Variants in UTS2B observed in about 807,000 individuals in gnomAD.
The protein encoded by UTS2B is urotensin-2B.
A neutral mutation model predicts 19.2 loss-of-function variants in UTS2B; 21 were observed. The observed-to-expected ratio is 1.09, with a 90% CI of 0.78 to 1.58. The LOEUF (loss-of-function observed/expected upper bound fraction) is 1.58. Among genes scored for constraint, UTS2B ranks in the 40% most tolerant of loss-of-function variants. The pLI is 0.00. For synonymous variants in UTS2B, 57 were observed against 50.2 expected, an observed-to-expected ratio of 1.14 and a Z score of -0.58; for missense variants, 138 against 130.3, an observed-to-expected ratio of 1.06 and a Z score of -0.29.
At chr3:191,303,896 T>C (rs145624808) in intron 4 of UTS2B, among the ~76,000 whole-genome samples, 350 of 152,144 alleles carry the variant, frequency 2.3e-3, no homozygotes, top group African/African-American at 8.1e-3. Context: ...GGCACACACT[T>C]AGTTAGGTCC....
chr3:191,278,454 T>C (rs897756995), intron 5 of UTS2B, among the ~76,000 whole-genome samples: 15 of 152,238 alleles, frequency 9.9e-5, no homozygotes, highest in African/African-American at 3.6e-4. Flanking sequence ...AGGTGAATTT[T>C]ACTTTCTTCT....
chr3:191,332,946 C>T (rs973155991), upstream of UTS2B, among the ~76,000 whole-genome samples: 2 of 152,198 alleles, frequency 1.3e-5, no homozygotes, highest in African/African-American at 4.8e-5. Context: ...TAGAGCTTTA[C>T]CACTTTTAGC....
intron 3 of UTS2B, among the ~76,000 whole-genome samples, chr3:191,315,315 C>T (rs2108607407): frequency 6.6e-6 from 1 of 152,310 alleles, no homozygotes; most frequent in African/African-American, 2.4e-5. Flanking sequence ...GCCCGGCCTA[C>T]TCTACAAAAT....
rs138464698 is a variant in UTS2B at position 191,316,263 on chromosome 3, G to A, written c.-409C>T. On this transcript the variant is annotated 5_prime_UTR_variant, in exon 3 of 9. Transcript: ENST00000340524. ...TCTCACAGACTTAAAGAATGAAGCC[G>A]CAGATCCTCGCAGTGAGTGTTACAG... The A allele has an allele frequency of 2.1e-3, 316 of 152,804 alleles. No individual in the cohort carries two copies. Among genetic ancestry groups the A allele is most frequent in the Non-Finnish European group, 4.0e-3 (276 of 68,444 alleles). 9.5% of individuals were successfully genotyped at this position (152,804 alleles called of 1,614,324 possible).
chr3:191,277,865 T>C (rs910494275), intron 6 of UTS2B, among the ~76,000 whole-genome samples: 7 of 151,742 alleles, frequency 4.6e-5, no homozygotes, highest in African/African-American at 1.7e-4. Flanking sequence ...GACCCTCAAA[T>C]TGACCAAAAT....
intron 1 of UTS2B, chr3:191,329,587 G>C (rs1717873849): frequency 2.1e-6 from 3 of 1,407,748 alleles, no homozygotes; most frequent in East Asian, 2.7e-5. Context: ...CGCCGCGTCC[G>C]GCGCTGCTGC....
chr3:191,286,039 C>T (rs1237052931), intron 4 of UTS2B, among the ~76,000 whole-genome samples: 2 of 152,002 alleles, frequency 1.3e-5, no homozygotes, highest in African/African-American at 2.4e-5. Context: ...CAAAGAAGGT[C>T]ACTATGTAAT....
Position 191,293,739 on chromosome 3 carries a change from T to C in UTS2B, c.-125+10753A>G, listed in dbSNP as rs1030578110. On this transcript the variant is annotated intron_variant, in intron 4 of 8. Transcript: ENST00000340524. ...ATTTTCAAACATAAACATGCTATAATGTGGAAGTTTAGTCTATTTTCAAGC... is the reference window on the plus strand; with the variant it reads ...ATTTTCAAACATAAACATGCTATAACGTGGAAGTTTAGTCTATTTTCAAGC... 3.7e-4 allele frequency among the ~76,000 whole-genome samples: 56 copies of C among 152,012 alleles called. 1 individual carries two copies. Among genetic ancestry groups the C allele is most frequent in the African/African-American group, 1.3e-3 (55 of 41,306 alleles).
intron 4 of UTS2B, among the ~76,000 whole-genome samples, chr3:191,299,933 A>C (rs2108593031): frequency 6.6e-6 from 1 of 152,368 alleles, no homozygotes; most frequent in South Asian, 2.1e-4. Flanking sequence ...ACATGGAGTC[A>C]AAGGAGATTA....
intron 2 of UTS2B, among the ~76,000 whole-genome samples, chr3:191,326,515 T>C (rs993018783): frequency 2.6e-5 from 4 of 152,234 alleles, no homozygotes; most frequent in Non-Finnish European, 4.4e-5. Flanking sequence ...AAAAATCAAT[T>C]GATGCCTCCA....
At chr3:191,329,826 G>C (rs1169410969) in intron 1 of UTS2B, 1 of 1,230,286 alleles carries the variant, frequency 8.1e-7, no homozygotes, top group Non-Finnish European at 1.2e-6. Context: ...GCCCTCGCCC[G>C]GTGCCCGCCC....
At chr3:191,304,813 T>C (rs773640983) in intron 3 of UTS2B, among the ~76,000 whole-genome samples, 46 of 152,280 alleles carry the variant, frequency 3.0e-4, no homozygotes, top group African/African-American at 9.1e-4. Flanking sequence ...TCCTGATCCT[T>C]TCCCTCCTCC....
Position 191,282,173 on chromosome 3 carries a change from G to A in UTS2B, c.17C>T (p.Ser6Leu). 3 of 1,611,620 alleles carry A rather than the reference G, an allele frequency of 1.9e-6. No individual in the cohort carries two copies. The highest frequency in any genetic ancestry group is 2.5e-6 in the Non-Finnish European group (3 of 1,179,020). ...TAGGAGTCCAAAGCAAACAGTGCTT[G>A]AGAGGATCTTGTTCATGTTAAAAAA... MNKIL[S>L]STVCFGLLTL... The change falls in exon 5 of 9, where the codon TCA becomes TTA. Residue 6 changes from serine to leucine, a missense_variant. Ser to Leu is a moderately radical substitution (Grantham distance 145). Coordinates refer to ENST00000340524, the MANE Select transcript of UTS2B (RefSeq NM_198152.5).
At chr3:191,325,089 A>C (rs1005621386) in intron 2 of UTS2B, among the ~76,000 whole-genome samples, 3 of 152,144 alleles carry the variant, frequency 2.0e-5, no homozygotes, top group African/African-American at 7.2e-5. Flanking sequence ...TCAAGGAAAG[A>C]GAGATCAGGT....
At chr3:191,337,019 G>A in the UTS2B span, among the ~76,000 whole-genome samples, 9 of 152,146 alleles carry the variant, frequency 5.9e-5, no homozygotes, top group African/African-American at 2.2e-4. Flanking sequence ...TTCAGTGTCT[G>A]TAAGTAAAGT....
chr3:191,344,171 T>C, the UTS2B span, among the ~76,000 whole-genome samples: 18 of 152,214 alleles, frequency 1.2e-4, no homozygotes, highest in African/African-American at 3.9e-4. Context: ...TGCATGCACA[T>C]GCAGAAGGTT....
At chr3:191,308,131 AG>A (rs1366415281) in intron 3 of UTS2B, among the ~76,000 whole-genome samples, 1 of 152,162 alleles carries the variant, frequency 6.6e-6, no homozygotes, top group African/African-American at 2.4e-5. Context: ...ACCACGATGT[AG>A]GGACTTTTTC....
At chr3:191,307,257 A>G (rs1717164531) in intron 3 of UTS2B, among the ~76,000 whole-genome samples, 1 of 152,172 alleles carries the variant, frequency 6.6e-6, no homozygotes, top group Non-Finnish European at 1.5e-5. Context: ...TTAGCTTGAC[A>G]TTAAAGATTC....
chr3:191,292,948 G>A lies in UTS2B; in HGVS notation c.-124-10635C>T, dbSNP rs1716757516. ...TCCCCCAGGAGGCAGAAGGTGCAGT[G>A]AGCAGGTATCGCACACTGCGCTCCA... On this transcript the variant is annotated intron_variant, in intron 4 of 8. Coordinates refer to ENST00000340524, the MANE Select transcript of UTS2B (RefSeq NM_198152.5). Among the ~76,000 whole-genome samples, 5 of 151,950 alleles carry A rather than the reference G, an allele frequency of 3.3e-5. No homozygotes were observed. The South Asian group carries it at 1.0e-3, about 32-fold the overall frequency.
Sources: gnomAD v4.1 joint callset for allele counts (sites outside exome capture counted in the v4.1 genomes callset) on GRCh38, gnomAD v4.1.1 for gene constraint, MANE v1.5 for transcripts, NCBI Gene and HGNC (gene_info 2026-07-23, HGNC 2026-07-21) for gene names.